The following B3GNT6 variants were observed in gnomAD, a reference collection of about 807,000 sequenced individuals.
B3GNT6 encodes acetylgalactosaminyl-O-glycosyl-glycoprotein beta-1,3-N-acetylglucosaminyltransferase.
For missense variants in B3GNT6, 624 were observed against 568.6 expected, an observed-to-expected ratio of 1.10 and a Z score of -0.99; for synonymous variants, 300 against 270.0, an observed-to-expected ratio of 1.11 and a Z score of -1.09.
intron 1 of B3GNT6, chr11:77,037,295 G>A (rs782752490): frequency 6.6e-6 from 1 of 152,210 alleles, no homozygotes; most frequent in Non-Finnish European, 1.5e-5. Flanking sequence ...GGGAATGAAA[G>A]CAGGTAGGTT....
intron 1 of B3GNT6, among the ~76,000 whole-genome samples, chr11:77,035,600 CTG>C (rs782695068): frequency 6.2e-4 from 95 of 152,332 alleles, no homozygotes; most frequent in Admixed American, 1.3e-3. Context: ...GGTATTTGAG[CTG>C]TGTCCTGAGA....
chr11:77,037,754 A>G (rs1334285707), intron 1 of B3GNT6, among the ~76,000 whole-genome samples: 4 of 149,760 alleles, frequency 2.7e-5, no homozygotes, highest in Non-Finnish European at 4.4e-5. Flanking sequence ...TCTACAAAAA[A>G]TAGAAAAAAT....
In B3GNT6 at chr11:77,040,507, C is replaced by T. The variant is rs1298243667; in HGVS notation, c.956C>T (p.Ala319Val). Residue 319 changes from alanine to valine, a missense_variant, in exon 2 of 2, where the codon GCC becomes GTC. Transcript: ENST00000622824. Reference protein sequence around the residue: ...DAYMGMCLERAGLAPSGHEGI... With the variant: ...DAYMGMCLERVGLAPSGHEGI... The stretch of plus-strand genomic sequence containing the variant: ...TACATGGGCATGTGTCTGGAGCGCG[C>T]CGGCCTGGCGCCCAGCGGCCACGAG... The T allele has an allele frequency of 1.9e-6, 3 of 1,547,702 alleles. No homozygotes were observed. The highest frequency in any genetic ancestry group is 2.4e-5 in the South Asian group (2 of 84,920).
intron 1 of B3GNT6, among the ~76,000 whole-genome samples, chr11:77,034,746 C>T (rs1275427356): frequency 1.3e-5 from 2 of 152,168 alleles, no homozygotes; most frequent in African/African-American, 4.8e-5. Context: ...AATATTCCTC[C>T]AGGAATACCC....
intron 1 of B3GNT6, chr11:77,037,138 A>G (rs1894008): frequency 0.77 from 116,484 of 152,222 alleles, 45,416 homozygotes; most frequent in African/African-American, 0.94. Context: ...AGAGCATGAG[A>G]AGCGGCATAA....
chr11:77,035,395 T>C (rs552254123), intron 1 of B3GNT6, among the ~76,000 whole-genome samples: 1 of 152,234 alleles, frequency 6.6e-6, no homozygotes, highest in Non-Finnish European at 1.5e-5. Flanking sequence ...CTTACATGAA[T>C]TAACTCATAT....
Position 77,040,573 on chromosome 11 carries a change from A to C in B3GNT6, c.1022A>C (p.Gln341Pro), listed in dbSNP as rs1949679126. Reference sequence around the variant, plus strand: ...GGCGTGCAGCTGCCTGGCGCACAGCAGTCCTCCTTCGACCCCTGCATGTAC... The same window carrying C: ...GGCGTGCAGCTGCCTGGCGCACAGCCGTCCTCCTTCGACCCCTGCATGTAC... ...PFGVQLPGAQ[Q>P]SSFDPCMYRE... The change falls in exon 2 of 2, where the codon CAG becomes CCG. Residue 341 changes from glutamine to proline, a missense_variant. Gln to Pro is a moderately conservative substitution (Grantham distance 76). Transcript: ENST00000622824. 1 of 1,590,278 alleles carries C rather than the reference A, an allele frequency of 6.3e-7. No individual in the cohort carries two copies. Among genetic ancestry groups the C allele is most frequent in the South Asian group, 1.1e-5 (1 of 89,074 alleles).
In B3GNT6 at chr11:77,040,676, C is replaced by A; in HGVS notation, c.1125C>A (p.Leu375=). 6.3e-7 allele frequency: 1 copy of A among 1,590,172 alleles called. No individual in the cohort carries two copies. The highest frequency in any genetic ancestry group is 8.5e-7 in the Non-Finnish European group (1 of 1,173,014). Residue 375 remains leucine, a synonymous_variant, in exon 2 of 2, where the codon CTC becomes CTA. Coordinates refer to ENST00000622824, the MANE Select transcript of B3GNT6 (RefSeq NM_138706.5). ...LMWKALHSPA[L]SCDRGHRVS ...GGAAGGCGCTGCACAGCCCCGCGCTCAGCTGTGACCGGGGACACCGGGTCT... is the reference window on the plus strand; with the variant it reads ...GGAAGGCGCTGCACAGCCCCGCGCTAAGCTGTGACCGGGGACACCGGGTCT...
In B3GNT6 at chr11:77,040,004, G is replaced by A. The variant is rs782386317; in HGVS notation, c.453G>A (p.Val151=). 21 of 1,575,180 alleles carry A rather than the reference G, an allele frequency of 1.3e-5. No individual in the cohort carries two copies. The highest frequency in any genetic ancestry group is 7.7e-6 in the Non-Finnish European group (9 of 1,169,302). ...GQERSYGGRP[V]RRLFLLGTPG... ...AGCGCAGCTACGGCGGGCGGCCAGTGCGCCGCCTCTTTCTATTGGGCACCC... is the reference window on the plus strand; with the variant it reads ...AGCGCAGCTACGGCGGGCGGCCAGTACGCCGCCTCTTTCTATTGGGCACCC... Residue 151 remains valine (V), a synonymous_variant, in exon 2 of 2, where the codon GTG becomes GTA. Coordinates refer to ENST00000622824, the MANE Select transcript of B3GNT6 (RefSeq NM_138706.5).
chr11:77,034,968 C>T (rs1482701650), intron 1 of B3GNT6, among the ~76,000 whole-genome samples: 1 of 152,012 alleles, frequency 6.6e-6, no homozygotes, highest in Non-Finnish European at 1.5e-5. Context: ...AGACCAGCCT[C>T]GCAAACATGG....
Position 77,041,024 on chromosome 11 carries a change from C to T in B3GNT6, c.*318C>T, listed in dbSNP as rs1949683303. On this transcript the variant is annotated 3_prime_UTR_variant, in exon 2 of 2. Transcript: ENST00000622824. ...CATCCTCGCAAAGCCAGCTCCACCG[C>T]CCTCTCTGCAAGAATTCCGGGCCCC... 2 of 331,312 alleles carry T rather than the reference C, an allele frequency of 6.0e-6. No homozygotes were observed. The highest frequency in any genetic ancestry group is 9.6e-5 in the Admixed American group (2 of 20,918). 20.5% of individuals were successfully genotyped at this position (331,312 alleles called of 1,614,324 possible).
At position 77,040,273 on chromosome 11, in the gene B3GNT6, C is replaced by A; in HGVS notation, c.722C>A (p.Pro241His). The A allele has an allele frequency of 6.3e-7, 1 of 1,595,520 alleles. No homozygotes were observed. The highest frequency in any genetic ancestry group is 8.5e-7 in the Non-Finnish European group (1 of 1,178,296). ...NVVRFLQAQP[P>H]GRHLFSGQLM... ...GTCCGCTTCCTGCAGGCGCAGCCACCCGGCCGCCACCTGTTCTCCGGCCAG... is the reference window on the plus strand; with the variant it reads ...GTCCGCTTCCTGCAGGCGCAGCCACACGGCCGCCACCTGTTCTCCGGCCAG... Residue 241 changes from proline (P) to histidine (H), a missense_variant, in exon 2 of 2, where the codon CCC becomes CAC. By Grantham distance (77) the Pro-to-His change is moderately conservative (BLOSUM62 -2). Transcript: ENST00000622824.
Position 77,039,942 on chromosome 11 carries a change from G to A in B3GNT6, c.391G>A (p.Glu131Lys). ...LAVKSAPEHY[E>K]RRELIRRTWG... ...GGTGAAGTCGGCGCCTGAGCACTAC[G>A]AGCGACGCGAGCTCATCCGGCGCAC... Residue 131 changes from glutamate to lysine, a missense_variant, in exon 2 of 2, where the codon GAG (glutamate) becomes AAG (lysine). Glu to Lys is a moderately conservative substitution (Grantham distance 56, BLOSUM62 1). Transcript: ENST00000622824. 6.3e-7 allele frequency: 1 copy of A among 1,592,156 alleles called. No homozygotes were observed. Among genetic ancestry groups the A allele is most frequent in the East Asian group, 2.3e-5 (1 of 44,278 alleles).
intron 1 of B3GNT6, 68 bp from the exon 2 acceptor site, chr11:77,039,479 ACGGGG>A (rs1362704597): frequency 4.7e-6 from 7 of 1,504,024 alleles, no homozygotes; most frequent in Non-Finnish European, 5.3e-6. Flanking sequence ...GAGAGAAGTG[ACGGGG>A]TACGGGTGGT....
chr11:77,037,863 C>T (rs1352932665), intron 1 of B3GNT6, among the ~76,000 whole-genome samples: 7 of 132,120 alleles, frequency 5.3e-5, no homozygotes, highest in Non-Finnish European at 1.1e-4. Flanking sequence ...CAGTGAGCCA[C>T]GATCACACCA....
rs1052626929 is a variant in B3GNT6 at position 77,040,415 on chromosome 11, C to T, written c.864C>T (p.Ser288=). 2 of 1,529,508 alleles carry T rather than the reference C, an allele frequency of 1.3e-6. No homozygotes were observed. Among genetic ancestry groups the T allele is most frequent in the Non-Finnish European group, 1.7e-6 (2 of 1,143,822 alleles). The allele number at this position is 1,529,508 out of a possible 1,614,324, so 94.7% of individuals were successfully genotyped here. A position where few individuals can be genotyped will look rare whatever the true frequency, so the allele number is the denominator to read the frequency against. Residue 288 remains serine (S), a synonymous_variant, in exon 2 of 2, where the codon TCC becomes TCT. Transcript: ENST00000622824. The part of the protein sequence containing the change: ...VYCSGGGFLL[S]GPTARALRAA... ...GCAGCGGCGGCGGCTTCCTCCTGTC[C>T]GGCCCCACGGCCCGGGCCCTGCGCG...
In B3GNT6 at chr11:77,039,906, C is replaced by T. The variant is rs781800969; in HGVS notation, c.355C>T (p.Leu119=). ...GTGCGCCGGCGGCCGAGGCGTGTTC[C>T]TGCTCCTGGCGGTGAAGTCGGCGCC... is the stretch of plus-strand genomic sequence containing the variant. ...AKCAGGRGVF[L]LLAVKSAPEH... Residue 119 remains leucine, a synonymous_variant, in exon 2 of 2, where the codon CTG becomes TTG. Coordinates refer to ENST00000622824, the MANE Select transcript of B3GNT6 (RefSeq NM_138706.5). 12 of 1,592,344 alleles carry T rather than the reference C, an allele frequency of 7.5e-6. No homozygotes were observed. In the African/African-American group the frequency reaches 1.6e-4, roughly 21 times the overall value.
At chr11:77,035,487 C>A (rs1239987664) in intron 1 of B3GNT6, among the ~76,000 whole-genome samples, 3 of 152,206 alleles carry the variant, frequency 2.0e-5, no homozygotes, top group Admixed American at 6.5e-5. Flanking sequence ...GAGTAAGTGG[C>A]AGATTTGTCC....
At chr11:77,039,436 C>G in intron 1 of B3GNT6, 116 bp from the exon 2 acceptor site, 2 of 1,486,148 alleles carry the variant, frequency 1.3e-6, no homozygotes, top group Non-Finnish European at 1.8e-6. Flanking sequence ...CACTTAACAG[C>G]AGAGTTGAGA....
Sources: gnomAD v4.1 joint callset for allele counts (sites outside exome capture counted in the v4.1 genomes callset) on GRCh38, gnomAD v4.1.1 for gene constraint, MANE v1.5 for transcripts, NCBI Gene and HGNC (gene_info 2026-07-23, HGNC 2026-07-21) for gene names.